SLC6A11: variants seen among roughly 807,000 people sequenced by gnomAD.
The protein encoded by SLC6A11 is sodium- and chloride-dependent GABA transporter 3.
Under a neutral mutation model 74.8 loss-of-function variants are expected in SLC6A11, and 25 were observed. The observed-to-expected ratio is 0.33, with a 90% CI of 0.24 to 0.47. The LOEUF (loss-of-function observed/expected upper bound fraction) is 0.47. Among genes scored for constraint, SLC6A11 ranks in the 20% least tolerant of loss-of-function variants. The pLI, the probability that SLC6A11 is intolerant of heterozygous loss-of-function variation, is 1.00. For synonymous variants in SLC6A11, 330 were observed against 330.2 expected (o/e 1.00, Z 0.01); for missense variants, 574 against 837.0 (o/e 0.69, Z 3.88).
Position 10,816,264 on chromosome 3 carries a change from C to T in SLC6A11, c.-2C>T. On this transcript the variant is annotated 5_prime_UTR_variant, in exon 1 of 14. Transcript: ENST00000254488. The surrounding 1 kb of genome is among the most constrained non-coding windows in gnomAD (Gnocchi z 4.2). The stretch of plus-strand genomic sequence containing the variant: ...CCGGCGCACGAGGCAGCCAGCGCGG[C>T]CATGACGGCGGAGAAGGCGCTGCCC... The T allele has an allele frequency of 7.5e-7, 1 of 1,333,296 alleles. No individual in the cohort carries two copies. The highest frequency in any genetic ancestry group is 9.6e-7 in the Non-Finnish European group (1 of 1,043,922). The allele number at this position is 1,333,296 out of a possible 1,614,324, so 82.6% of individuals were successfully genotyped here. A position where few individuals can be genotyped will look rare whatever the true frequency, so the allele number is the denominator to read the frequency against.
At chr3:10,933,106 G>A in intron 10 of SLC6A11, 45 bp from the exon 11 acceptor site, 1 of 1,389,310 alleles carries the variant, frequency 7.2e-7, no homozygotes, top group Non-Finnish European at 1.0e-6. Context: ...GCTCTCCCGT[G>A]TGTCCGTTCA....
chr3:10,892,209 G>A (rs1695115181), intron 6 of SLC6A11, among the ~76,000 whole-genome samples: 1 of 152,244 alleles, frequency 6.6e-6, no homozygotes, highest in African/African-American at 2.4e-5. Flanking sequence ...TGAATCTCAT[G>A]TTCCATTTCT....
intron 3 of SLC6A11, 152 bp downstream of exon 3, chr3:10,820,004 C>T (rs764584210): frequency 2.2e-5 from 17 of 769,076 alleles, no homozygotes; most frequent in Non-Finnish European, 3.0e-5. Flanking sequence ...CAGCTCTGCA[C>T]CTGTTCTGGT....
intron 4 of SLC6A11, 200 bp downstream of exon 4, chr3:10,823,592 T>G (rs987450870): frequency 7.3e-6 from 4 of 544,708 alleles, no homozygotes; most frequent in Non-Finnish European, 1.3e-5. Flanking sequence ...GAGAGAAATG[T>G]TTTCTTGTTC....
At chr3:10,853,549 G>A (rs889091011) in intron 5 of SLC6A11, among the ~76,000 whole-genome samples, 6 of 152,142 alleles carry the variant, frequency 3.9e-5, no homozygotes, top group African/African-American at 7.2e-5. Flanking sequence ...GGAAGAGCTC[G>A]AGTGGAGGAA....
At chr3:10,899,659 A>C (rs1695214143) in intron 6 of SLC6A11, among the ~76,000 whole-genome samples, 1 of 152,194 alleles carries the variant, frequency 6.6e-6, no homozygotes, top group Non-Finnish European at 1.5e-5. Context: ...GTTCCACTGG[A>C]ATAGCCTGCC....
At chr3:10,893,037 A>G (rs879696374) in intron 6 of SLC6A11, among the ~76,000 whole-genome samples, 1 of 152,184 alleles carries the variant, frequency 6.6e-6, no homozygotes, top group Non-Finnish European at 1.5e-5. Context: ...AGCACATAGT[A>G]GGTGCTCATT....
chr3:10,926,567 TCCTC>T lies in SLC6A11; in HGVS notation c.1233+453_1233+456del, dbSNP rs1400354730. ...GGACACATAGAAAAGCACCTCCTCTTCCTCCATCTCTGTCCTGGATGCCACCACC... is the reference window on the plus strand; with the variant it reads ...GGACACATAGAAAAGCACCTCCTCTTCATCTCTGTCCTGGATGCCACCACC... On this transcript the variant is annotated intron_variant, in intron 9 of 13. Transcript: ENST00000254488. This position sits in a 1 kb window ranked among gnomAD's most constrained non-coding sequence, Gnocchi z 5.7. Among the ~76,000 whole-genome samples the T allele has an allele frequency of 1.3e-5, 2 of 151,832 alleles. No individual in the cohort carries two copies. Among genetic ancestry groups the T allele is most frequent in the Non-Finnish European group, 2.9e-5 (2 of 67,966 alleles).
intron 5 of SLC6A11, among the ~76,000 whole-genome samples, chr3:10,866,640 A>T (rs1257991604): frequency 1.3e-5 from 2 of 152,206 alleles, no homozygotes; most frequent in East Asian, 3.8e-4. Context: ...AAAAATTATA[A>T]CTTTAGCTCT....
chr3:10,936,747 A>C (rs966417357), intron 13 of SLC6A11, among the ~76,000 whole-genome samples: 3 of 152,206 alleles, frequency 2.0e-5, no homozygotes. Flanking sequence ...AACCTTGACC[A>C]CTGGAAGACC....
At chr3:10,935,997 G>T (rs1272567102) in intron 13 of SLC6A11, among the ~76,000 whole-genome samples, 1 of 152,112 alleles carries the variant, frequency 6.6e-6, no homozygotes, top group Non-Finnish European at 1.5e-5. Context: ...GTCCTACAGT[G>T]TGTGGTCCTT....
At chr3:10,859,405 A>G (rs1694677098) in intron 5 of SLC6A11, among the ~76,000 whole-genome samples, 1 of 151,950 alleles carries the variant, frequency 6.6e-6, no homozygotes, top group African/African-American at 2.4e-5. Context: ...GTTGAGGGAG[A>G]CCATTCTTTG....
chr3:10,816,585 G>A lies in SLC6A11; in HGVS notation c.256+64G>A. ...CGCCCGGTGGGGGCGGGGAGCCAGG[G>A]GCGAGCGCGAGACCCCCTCCCGCGC... On this transcript the variant is annotated intron_variant, in intron 1 of 13. Coordinates refer to ENST00000254488, the MANE Select transcript of SLC6A11 (RefSeq NM_014229.3). This position sits in a 1 kb window ranked among gnomAD's most constrained non-coding sequence, Gnocchi z 4.2. 4.1e-6 allele frequency: 6 copies of A among 1,452,454 alleles called. No homozygotes were observed. The highest frequency in any genetic ancestry group is 5.5e-6 in the Non-Finnish European group (6 of 1,092,550). 90.0% of individuals were successfully genotyped at this position (1,452,454 alleles called of 1,614,324 possible). A position where few individuals can be genotyped will look rare whatever the true frequency, so the allele number is the denominator to read the frequency against.
chr3:10,909,578 C>G (rs1023074834), intron 6 of SLC6A11, among the ~76,000 whole-genome samples: 2 of 152,178 alleles, frequency 1.3e-5, no homozygotes, highest in Admixed American at 6.5e-5. Context: ...TCACTCTGGC[C>G]TGCACACTCT....
At chr3:10,840,760 GCT>G (rs754337774) in intron 4 of SLC6A11, among the ~76,000 whole-genome samples, 30 of 152,320 alleles carry the variant, frequency 2.0e-4, no homozygotes, top group African/African-American at 6.3e-4. Context: ...TCAAATCCAA[GCT>G]CTGTTTCTTG....
At chr3:10,895,454 T>G (rs1450832081) in intron 6 of SLC6A11, among the ~76,000 whole-genome samples, 2 of 152,218 alleles carry the variant, frequency 1.3e-5, no homozygotes, top group East Asian at 3.9e-4. Flanking sequence ...TGCAGGGACA[T>G]GGATGGAGCT....
At chr3:10,868,743 C>G (rs894995217) in intron 5 of SLC6A11, among the ~76,000 whole-genome samples, 1 of 152,218 alleles carries the variant, frequency 6.6e-6, no homozygotes, top group African/African-American at 2.4e-5. Context: ...CTGCATAGTT[C>G]AGCATAATGC....
intron 6 of SLC6A11, among the ~76,000 whole-genome samples, chr3:10,883,830 A>G (rs779800138): frequency 6.6e-6 from 1 of 152,060 alleles, no homozygotes; most frequent in Non-Finnish European, 1.5e-5. Flanking sequence ...TTTTGAAAAT[A>G]TTGCAAAGTA....
At chr3:10,919,570 G>C (rs1412766616) in intron 8 of SLC6A11, among the ~76,000 whole-genome samples, 1 of 152,218 alleles carries the variant, frequency 6.6e-6, no homozygotes, top group Non-Finnish European at 1.5e-5. Flanking sequence ...GCCAAGGGGT[G>C]TGGATGTCAA....
Sources: allele counts gnomAD v4.1 joint callset (sites outside exome capture counted in the v4.1 genomes callset), GRCh38; gene constraint gnomAD v4.1.1; non-coding constraint Gnocchi (gnomAD v3.1); transcripts MANE v1.5; gene names NCBI Gene and HGNC (gene_info 2026-07-23, HGNC 2026-07-21).